IL33: variants seen among roughly 807,000 people sequenced by gnomAD.
IL33 encodes the protein interleukin-33.
A neutral mutation model predicts 27.3 loss-of-function variants in IL33; 37 were observed. The observed-to-expected ratio is 1.36, with a 90% CI of 1.04 to 1.78. The LOEUF is 1.78. Ranked by LOEUF, IL33 falls within the 40% of genes most tolerant of loss-of-function variation. The pLI is 0.00. For missense variants in IL33, 406 were observed against 311.4 expected, an observed-to-expected ratio of 1.30 and a Z score of -2.29; for synonymous variants, 132 against 102.9, an observed-to-expected ratio of 1.28 and a Z score of -1.71.
intron 1 of IL33, among the ~76,000 whole-genome samples, chr9:6,217,886 TTCCTCCTCTGCACTGTGCTTCTCCCGC>T (rs1818215045): frequency 3.3e-5 from 5 of 152,034 alleles, no homozygotes; most frequent in African/African-American, 2.4e-5. Context: ...AGACCCGTAT[TTCCTCCTCTGCACTGTGCTTCTCCCGC>T]TGAAGCATCC....
At chr9:6,232,163 T>A (rs1818957153) in intron 1 of IL33, among the ~76,000 whole-genome samples, 1 of 152,152 alleles carries the variant, frequency 6.6e-6, no homozygotes, top group African/African-American at 2.4e-5. Context: ...CAGATGTAGA[T>A]AATATGACAA....
chr9:6,223,890 C>T (rs565962418), intron 1 of IL33, among the ~76,000 whole-genome samples: 2 of 152,268 alleles, frequency 1.3e-5, no homozygotes, highest in African/African-American at 4.8e-5. Flanking sequence ...CCCTTCTACT[C>T]TACCATCCTC....
At chr9:6,216,503 G>A (rs907065183) in intron 1 of IL33, among the ~76,000 whole-genome samples, 1 of 152,204 alleles carries the variant, frequency 6.6e-6, no homozygotes, top group African/African-American at 2.4e-5. Context: ...GGGAGGCCGA[G>A]GTGGGTGAAT....
At chr9:6,234,832 A>T (rs1040352211) in intron 1 of IL33, among the ~76,000 whole-genome samples, 1 of 152,158 alleles carries the variant, frequency 6.6e-6, no homozygotes, top group East Asian at 1.9e-4. Flanking sequence ...ACTCTAGATG[A>T]TGTTTCTCAT....
In IL33 at chr9:6,256,358, T is replaced by A. The variant is rs1011675066; in HGVS notation, c.*190T>A. ...AGTTATTCTTTTATTTCCCTCTGTA[T>A]AACTGCATCTTCAATACAAGTATCA... On this transcript the variant is annotated 3_prime_UTR_variant, in exon 8 of 8. Coordinates refer to ENST00000682010, the MANE Select transcript of IL33 (RefSeq NM_033439.4). 5 of 575,468 alleles carry A rather than the reference T, an allele frequency of 8.7e-6. No homozygotes were observed. The highest frequency in any genetic ancestry group is 6.4e-5 in the Admixed American group (2 of 31,484). 35.6% of individuals were successfully genotyped at this position (575,468 alleles called of 1,614,324 possible). A position where few individuals can be genotyped will look rare whatever the true frequency, so the allele number is the denominator to read the frequency against.
intron 1 of IL33, among the ~76,000 whole-genome samples, chr9:6,224,703 A>T (rs1818554723): frequency 6.6e-6 from 1 of 152,178 alleles, no homozygotes; most frequent in African/African-American, 2.4e-5. Flanking sequence ...GAATAGAAAT[A>T]ATTTTTCATG....
At chr9:6,235,932 A>G (rs1482137881) in intron 1 of IL33, among the ~76,000 whole-genome samples, 2 of 151,994 alleles carry the variant, frequency 1.3e-5, no homozygotes, top group East Asian at 1.9e-4. Context: ...TGATCCAGCA[A>G]TTCCACTACT....
intron 1 of IL33, among the ~76,000 whole-genome samples, chr9:6,236,782 A>C (rs933465652): frequency 6.6e-6 from 1 of 152,196 alleles, no homozygotes; most frequent in Non-Finnish European, 1.5e-5. Context: ...GAGACAGAAG[A>C]ATTGCTTTAA....
intron 2 of IL33, among the ~76,000 whole-genome samples, chr9:6,245,933 G>A (rs1819813935): frequency 6.6e-6 from 1 of 151,148 alleles, no homozygotes; most frequent in Admixed American, 6.6e-5. Flanking sequence ...CATGGTGGCG[G>A]GCGCCTGTAG....
intron 1 of IL33, among the ~76,000 whole-genome samples, chr9:6,236,018 TACACACACACACACACACAC>T (rs61318432): frequency 1.1e-4 from 16 of 139,700 alleles, no homozygotes; most frequent in Non-Finnish European, 1.6e-4. Context: ...CCCACACCCA[TACACACACACACACACACAC>T]ACACACACAC....
intron 2 of IL33, among the ~76,000 whole-genome samples, chr9:6,243,541 G>A (rs895422660): frequency 6.6e-6 from 1 of 152,058 alleles, no homozygotes. Flanking sequence ...TTTTAGTAGA[G>A]ATGGGGTTTC....
intron 4 of IL33, 137 bp from the exon 5 acceptor site, chr9:6,252,729 G>C (rs1203438229): frequency 2.1e-6 from 2 of 963,220 alleles, no homozygotes; most frequent in Non-Finnish European, 3.1e-6. Context: ...TGTAAAACTT[G>C]TATCAAAGGC....
In IL33 at chr9:6,254,546, C is replaced by T; in HGVS notation, c.605C>T (p.Ser202Phe). ...FWLHANNKEH[S>F]VELHKCEKPL... ...TTGCATGCCAACAACAAGGAACACT[C>T]TGTGGAGGTAAAAAAAAAAAATTTA... The change falls in exon 7 of 8, where the codon TCT (serine) becomes TTT (phenylalanine). Residue 202 changes from serine (S) to phenylalanine (F), a missense_variant. By Grantham distance (155) the Ser-to-Phe change is radical. Transcript: ENST00000682010. 6.4e-7 allele frequency: 1 copy of T among 1,572,750 alleles called. No individual in the cohort carries two copies. The highest frequency in any genetic ancestry group is 8.6e-7 in the Non-Finnish European group (1 of 1,161,598).
At chr9:6,247,941 T>C (rs1221698191) in intron 2 of IL33, among the ~76,000 whole-genome samples, 2 of 151,980 alleles carry the variant, frequency 1.3e-5, no homozygotes, top group Non-Finnish European at 2.9e-5. Context: ...GACTTCCACA[T>C]CTTCAGTACT....
intron 6 of IL33, among the ~76,000 whole-genome samples, chr9:6,253,906 T>C (rs568832304): frequency 4.1e-4 from 62 of 152,284 alleles, no homozygotes; most frequent in African/African-American, 1.3e-3. Flanking sequence ...AGGGAACCCA[T>C]CTCCTTCTAT....
chr9:6,229,130 C>T (rs1408000085), intron 1 of IL33, among the ~76,000 whole-genome samples: 1 of 152,046 alleles, frequency 6.6e-6, no homozygotes, highest in African/African-American at 2.4e-5. Flanking sequence ...GGAACCTGTA[C>T]AGGAGCACAG....
At position 6,256,405 on chromosome 9, in the gene IL33, T is replaced by G. The variant is rs1816734874; in HGVS notation, c.*237T>G. The G allele has an allele frequency of 3.9e-6, 2 of 517,210 alleles. No individual in the cohort carries two copies. Among genetic ancestry groups the G allele is most frequent in the Non-Finnish European group, 3.4e-6 (1 of 296,800 alleles). 32.0% of individuals were successfully genotyped at this position (517,210 alleles called of 1,614,324 possible). On this transcript the variant is annotated 3_prime_UTR_variant, in exon 8 of 8. Transcript: ENST00000682010. ...ATCAGTATATTAAATAGGGTATTGG[T>G]AAAGAAACGGTCAACATTCTAAAGA...
At chr9:6,249,134 A>G (rs1376522801) in intron 2 of IL33, among the ~76,000 whole-genome samples, 1 of 152,210 alleles carries the variant, frequency 6.6e-6, no homozygotes, top group Non-Finnish European at 1.5e-5. Context: ...AGTGGGTGTG[A>G]ATATAATTAA....
intron 1 of IL33, among the ~76,000 whole-genome samples, chr9:6,238,774 C>T (rs1819371252): frequency 1.3e-5 from 2 of 152,122 alleles, no homozygotes; most frequent in South Asian, 2.1e-4. Context: ...GATAGAATTG[C>T]AGGCAATGTC....
Sources: allele counts gnomAD v4.1 joint callset (sites outside exome capture counted in the v4.1 genomes callset), GRCh38; gene constraint gnomAD v4.1.1; transcripts MANE v1.5; gene names NCBI Gene and HGNC (gene_info 2026-07-23, HGNC 2026-07-21).